Variants in LONRF1 observed in about 807,000 individuals in gnomAD.
LONRF1 encodes the protein LON peptidase N-terminal domain and ring finger 1, also known as LON peptidase N-terminal domain and RING finger protein 1.
LONRF1 carries 37 observed loss-of-function variants against 85.8 expected under a neutral mutation model. That is an observed-to-expected ratio of 0.43 (90% CI 0.33 to 0.57). LONRF1 has a LOEUF of 0.57. LONRF1 is among the 20% of genes least tolerant of loss of function. The probability of loss-of-function intolerance (pLI) is 0.04; values close to 1 mark genes in which losing one functional copy is unlikely to be tolerated. For missense variants in LONRF1, 1,036 were observed against 978.0 expected, an observed-to-expected ratio of 1.06 and a Z score of -0.79; for synonymous variants, 517 against 390.1, an observed-to-expected ratio of 1.33 and a Z score of -3.83.
In LONRF1 at chr8:12,743,345, T is replaced by C. The variant is rs1799015670; in HGVS notation, c.722-63A>G. The C allele has an allele frequency of 4.0e-6, 4 of 1,000,544 alleles. No homozygotes were observed. The South Asian group carries it at 4.3e-5, about 11-fold the overall frequency. 62.0% of individuals were successfully genotyped at this position (1,000,544 alleles called of 1,614,324 possible). A position where few individuals can be genotyped will look rare whatever the true frequency, so the allele number is the denominator to read the frequency against. On this transcript the variant is annotated intron_variant, in intron 1 of 11. Transcript: ENST00000398246. ...AAAGATTATTACATAATCTACAAAATATGATCATACCAGATTAAGAAATGA... is the reference window on the plus strand; with the variant it reads ...AAAGATTATTACATAATCTACAAAACATGATCATACCAGATTAAGAAATGA...
At chr8:12,754,662 G>A in intron 1 of LONRF1, 38 bp downstream of exon 1, 3 of 1,299,278 alleles carry the variant, frequency 2.3e-6, no homozygotes, top group East Asian at 3.2e-5. Flanking sequence ...CCAGGAGGGT[G>A]CGGTCGGCCC....
chr8:12,741,796 T>G (rs1449033992), intron 2 of LONRF1, among the ~76,000 whole-genome samples: 1 of 152,194 alleles, frequency 6.6e-6, no homozygotes, highest in Non-Finnish European at 1.5e-5. Flanking sequence ...GACATGACAC[T>G]TTTCATAAAT....
intron 7 of LONRF1, 34 bp from the exon 8 acceptor site, chr8:12,731,891 G>GAAAA: frequency 6.3e-7 from 1 of 1,598,550 alleles, no homozygotes; most frequent in Non-Finnish European, 8.5e-7. Context: ...TTCCAGCAGT[G>GAAAA]GTTTTCCTAC....
chr8:12,722,994 T>C lies in LONRF1; in HGVS notation c.*102A>G, dbSNP rs1477869107. 4 of 1,154,570 alleles carry C rather than the reference T, an allele frequency of 3.5e-6. No individual in the cohort carries two copies. Among genetic ancestry groups the C allele is most frequent in the Non-Finnish European group, 4.8e-6 (4 of 829,210 alleles). 71.5% of individuals were successfully genotyped at this position (1,154,570 alleles called of 1,614,324 possible). A position where few individuals can be genotyped will look rare whatever the true frequency, so the allele number is the denominator to read the frequency against. ...GGTCGAAGGAAAAAGAAAAGTTTCA[T>C]TAAATTTCTGAAACCAGCACTAGAT... On this transcript the variant is annotated 3_prime_UTR_variant, in exon 12 of 12. Transcript: ENST00000398246.
At chr8:12,726,481 T>C (rs533164983) in intron 10 of LONRF1, among the ~76,000 whole-genome samples, 2 of 152,350 alleles carry the variant, frequency 1.3e-5, no homozygotes, top group East Asian at 1.9e-4. Context: ...CCCAAGGCTA[T>C]GGCTACCTCT....
intron 1 of LONRF1, among the ~76,000 whole-genome samples, chr8:12,748,252 T>A (rs1799243080): frequency 6.6e-6 from 1 of 152,226 alleles, no homozygotes; most frequent in South Asian, 2.1e-4. Context: ...TAGCCCAGGC[T>A]GGAGTGCAGT....
At chr8:12,726,214 T>C (rs1411625482) in intron 10 of LONRF1, among the ~76,000 whole-genome samples, 4 of 152,144 alleles carry the variant, frequency 2.6e-5, no homozygotes, top group African/African-American at 7.2e-5. Flanking sequence ...CATTTGTCTT[T>C]ATGGATCAAT....
chr8:12,733,033 G>A (rs1798586496), intron 7 of LONRF1, among the ~76,000 whole-genome samples: 1 of 152,128 alleles, frequency 6.6e-6, no homozygotes, highest in Admixed American at 6.6e-5. Context: ...ATCGCGGCTT[G>A]TTAAAATACA....
At position 12,736,936 on chromosome 8, in the gene LONRF1, T is replaced by G; in HGVS notation, c.1318A>C (p.Asn440His). The change falls in exon 5 of 12, where the codon AAT (asparagine) becomes CAT (histidine). Residue 440 changes from asparagine to histidine, a missense_variant. By Grantham distance (68) the Asn-to-His change is moderately conservative. Around this residue, in one of 3 missense-constraint regions of LONRF1, gnomAD observed 742 missense variants for 614.4 expected, o/e 1.21. Coordinates refer to ENST00000398246, the MANE Select transcript of LONRF1 (RefSeq NM_152271.5). ...LSLLEQDVIV[N>H]EDGRNKLKKQ... ...TTCAGCTTATTTCTTCCATCTTCAT[T>G]TACAATCACATCCTGTTCTAAAAGA... 2.5e-6 allele frequency: 4 copies of G among 1,612,158 alleles called. No homozygotes were observed. Among genetic ancestry groups the G allele is most frequent in the Non-Finnish European group, 3.4e-6 (4 of 1,179,266 alleles).
In LONRF1 at chr8:12,736,797, T is replaced by A; in HGVS notation, c.1355A>T (p.Glu452Val). ...DGRNKLKKQG[E>V]TPNEVCMFSL... is the part of the protein sequence containing the mutation. ...AAACATACAGACTTCATTGGGAGTT[T>A]CTATTAAAACAAAGACATGGGGTTT... Residue 452 changes from glutamate to valine, a missense_variant and splice_region_variant, in exon 6 of 12, where the codon GAA becomes GTA. Coordinates refer to ENST00000398246, the MANE Select transcript of LONRF1 (RefSeq NM_152271.5). 1 of 1,602,134 alleles carries A rather than the reference T, an allele frequency of 6.2e-7. No homozygotes were observed. The highest frequency in any genetic ancestry group is 8.5e-7 in the Non-Finnish European group (1 of 1,175,216).
intron 10 of LONRF1, among the ~76,000 whole-genome samples, chr8:12,727,921 G>T (rs1216719039): frequency 1.3e-5 from 2 of 152,190 alleles, no homozygotes; most frequent in African/African-American, 4.8e-5. Context: ...CAAAGTCTGA[G>T]TCAGACAGTT....
chr8:12,730,516 C>G (rs766011224), intron 8 of LONRF1, among the ~76,000 whole-genome samples: 23 of 151,998 alleles, frequency 1.5e-4, no homozygotes, highest in Non-Finnish European at 2.5e-4. Flanking sequence ...AGCTGGACAC[C>G]CTGTCGCTTC....
chr8:12,751,302 T>TTTTTTTTTGTTTTTTG (rs1554469361), intron 1 of LONRF1, among the ~76,000 whole-genome samples: 4 of 96,602 alleles, frequency 4.1e-5, no homozygotes, highest in African/African-American at 6.3e-5. Context: ...TTATGTTTTT[T>TTTTTTTTTGTTTTTTG]TTTTTTTTTT....
At chr8:12,752,164 CTT>C (rs1298007116) in intron 1 of LONRF1, among the ~76,000 whole-genome samples, 1 of 152,054 alleles carries the variant, frequency 6.6e-6, no homozygotes, top group Non-Finnish European at 1.5e-5. Flanking sequence ...TAGTGAAGAT[CTT>C]TTTTCATTAT....
At position 12,723,170 on chromosome 8, in the gene LONRF1, T is replaced by C. The variant is rs749163123; in HGVS notation, c.2248A>G (p.Met750Val). Residue 750 changes from methionine (M) to valine (V), a missense_variant, in exon 12 of 12, where the codon ATG (methionine) becomes GTG (valine). This residue lies in a region of LONRF1 where 265 missense variants were observed against 301.5 expected (regional missense o/e 0.88). Transcript: ENST00000398246. ...GTCAACCGTTCTTTCAAAGACTTCA[T>C]TGACAAAACCGACAGCTGGTATCGT... ...DPRYQLSVLS[M>V]KSLKERLTKI... 23 of 1,614,124 alleles carry C rather than the reference T, an allele frequency of 1.4e-5. No individual in the cohort carries two copies. Among genetic ancestry groups the C allele is most frequent in the Admixed American group, 3.3e-5 (2 of 60,022 alleles).
At chr8:12,741,189 G>C (rs536664194) in intron 2 of LONRF1, among the ~76,000 whole-genome samples, 193 bp from the exon 3 acceptor site, 1 of 152,234 alleles carries the variant, frequency 6.6e-6, no homozygotes, top group East Asian at 1.9e-4. Context: ...TTCGAGACCA[G>C]TCTGGTCAAC....
chr8:12,732,525 A>G (rs533149550), intron 7 of LONRF1, among the ~76,000 whole-genome samples: 3 of 152,310 alleles, frequency 2.0e-5, no homozygotes, highest in African/African-American at 7.2e-5. Context: ...ATACTCTGAA[A>G]AAGTACTATC....
chr8:12,732,471 T>C (rs1250416957), intron 7 of LONRF1, among the ~76,000 whole-genome samples: 1 of 152,208 alleles, frequency 6.6e-6, no homozygotes, highest in East Asian at 1.9e-4. Context: ...ATGATCCATC[T>C]ACCCCAGCTC....
chr8:12,754,941 G>T lies in LONRF1; in HGVS notation c.480C>A (p.Asp160Glu). 6.7e-7 allele frequency: 1 copy of T among 1,490,022 alleles called. No homozygotes were observed. The highest frequency in any genetic ancestry group is 2.9e-5 in the East Asian group (1 of 35,074). The allele number at this position is 1,490,022 out of a possible 1,614,324, so 92.3% of individuals were successfully genotyped here. A position where few individuals can be genotyped will look rare whatever the true frequency, so the allele number is the denominator to read the frequency against. ...CACTGGCGGTGGCGGGCGGCAGCCG[G>T]TCCCGGCAGAGGCGGCAGCGGGCGC... ...ELRARCRLCR[D>E]RLPPATASAT... The change falls in exon 1 of 12, where the codon GAC (aspartate) becomes GAA (glutamate). Residue 160 changes from aspartate (D) to glutamate (E), a missense_variant. By Grantham distance (45) the Asp-to-Glu change is conservative. Coordinates refer to ENST00000398246, the MANE Select transcript of LONRF1 (RefSeq NM_152271.5).
Sources: gnomAD v4.1 joint callset for allele counts (sites outside exome capture counted in the v4.1 genomes callset) on GRCh38, gnomAD v4.1.1 for gene constraint, gnomAD v4.1.1 regional missense constraint, MANE v1.5 for transcripts, NCBI Gene and HGNC (gene_info 2026-07-23, HGNC 2026-07-21) for gene names.